LCTL: variants seen among roughly 807,000 people sequenced by gnomAD.
The protein encoded by LCTL is lactase like.
LCTL carries 76 observed loss-of-function variants against 75.8 expected under a neutral mutation model. The ratio of observed to expected loss-of-function variants is 1.00; its 90% CI spans 0.83 to 1.21. The LOEUF (loss-of-function observed/expected upper bound fraction) is 1.21, where lower values mean the gene tolerates loss of function less well. LCTL is among the 50% of genes most tolerant of loss of function. LCTL has a pLI of 0.00. For missense variants in LCTL, 670 were observed against 712.4 expected (o/e 0.94, Z 0.68); for synonymous variants, 271 against 268.8 (o/e 1.01, Z -0.08).
Position 66,553,338 on chromosome 15 carries a change from A to G in LCTL, c.923-80T>C, listed in dbSNP as rs942570277. 5.1e-6 allele frequency: 6 copies of G among 1,173,524 alleles called. No homozygotes were observed. In the African/African-American group the frequency reaches 9.4e-5, roughly 18 times the overall value. 72.7% of individuals were successfully genotyped at this position (1,173,524 alleles called of 1,614,324 possible). On this transcript the variant is annotated intron_variant, in intron 8 of 12. Coordinates refer to ENST00000341509, the Ensembl canonical transcript of LCTL. ...TGTTATGTATCATGACGATAGTGACATCTTGACATAAACGGTGGGCTTTAG... is the reference window on the plus strand; with the variant it reads ...TGTTATGTATCATGACGATAGTGACGTCTTGACATAAACGGTGGGCTTTAG...
intron 1 of LCTL, among the ~76,000 whole-genome samples, 162 bp downstream of exon 2, chr15:66,565,086 C>CAA (rs35640724): frequency 6.8e-6 from 1 of 147,542 alleles, no homozygotes; most frequent in African/African-American, 2.4e-5. Context: ...TTAGTAACTT[C>CAA]AAAAAAAAAA....
At chr15:66,548,814 T>A in intron 12 of LCTL, 1 of 345,490 alleles carries the variant, frequency 2.9e-6, no homozygotes. Flanking sequence ...TCAGAAAATA[T>A]GGGATAAATG....
intron 1 of LCTL, 42 bp downstream of exon 2, chr15:66,565,206 G>T: frequency 7.4e-7 from 1 of 1,355,842 alleles, no homozygotes; most frequent in Non-Finnish European, 1.1e-6. Flanking sequence ...TGGGCAGGTG[G>T]ACGACAGACA....
intron 11 of LCTL, among the ~76,000 whole-genome samples, chr15:66,551,300 T>G (rs1344986254): frequency 8.0e-6 from 1 of 125,774 alleles, no homozygotes; most frequent in African/African-American, 3.1e-5. Flanking sequence ...TGAGCCGAGA[T>G]CGCACTACTG....
At chr15:66,561,157 C>T in intron 5 of LCTL, 30 bp downstream of exon 6, 1 of 1,614,094 alleles carries the variant, frequency 6.2e-7, no homozygotes, top group South Asian at 1.1e-5. Flanking sequence ...GGGAGTGTCA[C>T]ATTCTCCCAC....
chr15:66,558,654 A>T (rs1895798777), intron 6 of LCTL, among the ~76,000 whole-genome samples: 1 of 151,036 alleles, frequency 6.6e-6, no homozygotes, highest in Admixed American at 6.6e-5. Flanking sequence ...AGCGGGGCCC[A>T]AGAATCTGTG....
intron 11 of LCTL, among the ~76,000 whole-genome samples, chr15:66,550,690 G>C (rs921260096): frequency 6.6e-6 from 1 of 151,910 alleles, no homozygotes; most frequent in Non-Finnish European, 1.5e-5. Flanking sequence ...TGTTGCCCAG[G>C]CTGGTCTTGA....
At chr15:66,564,100 T>A in intron 2 of LCTL, 102 bp from the exon 4 acceptor site, 1 of 772,008 alleles carries the variant, frequency 1.3e-6, no homozygotes, top group Non-Finnish European at 2.3e-6. Flanking sequence ...TCTGTAGCTG[T>A]TAGTGGGCAA....
intron 11 of LCTL, among the ~76,000 whole-genome samples, chr15:66,550,651 T>A (rs966927257): frequency 3.9e-5 from 6 of 152,008 alleles, no homozygotes; most frequent in African/African-American, 1.2e-4. Flanking sequence ...AGCTGATTTT[T>A]AAATTTTTGT....
At chr15:66,561,260 C>G in exon 5 of LCTL, 1 of 1,614,244 alleles carries the variant, frequency 6.2e-7, no homozygotes, top group Non-Finnish European at 8.5e-7. Context: ...GGCGTAGTCT[C>G]TGAAGTAGTT....
At chr15:66,552,667 C>CAAAAAA (rs752480803) in intron 9 of LCTL, among the ~76,000 whole-genome samples, 6 of 53,092 alleles carry the variant, frequency 1.1e-4, no homozygotes, top group African/African-American at 2.1e-4. Context: ...GAGACTGTCT[C>CAAAAAA]AAAAAAAAAA....
intron 6 of LCTL, among the ~76,000 whole-genome samples, chr15:66,559,880 A>C (rs947359295): frequency 6.6e-6 from 1 of 152,106 alleles, no homozygotes; most frequent in African/African-American, 2.4e-5. Flanking sequence ...TGAAGTCAGG[A>C]GTTCAGGACC....
At chr15:66,564,395 G>T in intron 2 of LCTL, 1 of 483,044 alleles carries the variant, frequency 2.1e-6, no homozygotes. Flanking sequence ...TGTGGGATCA[G>T]CCCTTCAGCT....
chr15:66,562,615 A>G (rs12905617), intron 4 of LCTL, among the ~76,000 whole-genome samples: 45,464 of 149,874 alleles, frequency 0.3, 7,015 homozygotes, highest in African/African-American at 0.32. Context: ...ACGGAATTTC[A>G]TTCTCATTGC....
At chr15:66,564,166 T>C (rs2140854948) in intron 2 of LCTL, 168 bp from the exon 4 acceptor site, 1 of 613,498 alleles carries the variant, frequency 1.6e-6, no homozygotes, top group Non-Finnish European at 2.9e-6. Context: ...GCCCACTTCA[T>C]GCAGGGGATA....
At chr15:66,563,587 C>A in exon 4 of LCTL, 2 of 1,612,640 alleles carry the variant, frequency 1.2e-6, no homozygotes, top group South Asian at 2.2e-5. Context: ...TCGATAAGAT[C>A]ACTGTAGAAT....
chr15:66,564,344 G>T (rs1895968261), intron 2 of LCTL: 2 of 469,932 alleles, frequency 4.3e-6, no homozygotes, highest in Admixed American at 3.7e-5. Context: ...TGACAAGCAG[G>T]GACCAGGGGT....
At chr15:66,562,173 C>T (rs1895904653) in intron 4 of LCTL, among the ~76,000 whole-genome samples, 1 of 152,136 alleles carries the variant, frequency 6.6e-6, no homozygotes, top group Non-Finnish European at 1.5e-5. Context: ...GAGGCCGAGG[C>T]AGCTGGATCA....
intron 6 of LCTL, among the ~76,000 whole-genome samples, chr15:66,558,584 G>C (rs1362968810): frequency 1.3e-5 from 2 of 152,012 alleles, no homozygotes; most frequent in African/African-American, 4.8e-5. Flanking sequence ...GATCCACTGG[G>C]AACTTAATAG....
Sources: gnomAD v4.1 joint callset for allele counts (sites outside exome capture counted in the v4.1 genomes callset) on GRCh38, gnomAD v4.1.1 for gene constraint, MANE v1.5 for transcripts, NCBI Gene and HGNC (gene_info 2026-07-23, HGNC 2026-07-21) for gene names.